SNTG1: variants seen among roughly 807,000 people sequenced by gnomAD.
SNTG1 encodes the protein gamma-1-syntrophin.
Under a neutral mutation model 74.7 loss-of-function variants are expected in SNTG1, and 39 were observed. The observed-to-expected ratio is 0.52, with a 90% CI of 0.40 to 0.68. The LOEUF (loss-of-function observed/expected upper bound fraction) is 0.68, where lower values mean the gene tolerates loss of function less well. Ranked by LOEUF, SNTG1 falls within the 30% of genes least tolerant of loss-of-function variation. SNTG1 has a pLI of 0.00. For synonymous variants in SNTG1, 254 were observed against 217.1 expected (o/e 1.17, Z -1.49); for missense variants, 685 against 609.5 (o/e 1.12, Z -1.30).
chr8:50,653,269 C>T (rs1242202981), intron 13 of SNTG1, among the ~76,000 whole-genome samples: 2 of 151,962 alleles, frequency 1.3e-5, no homozygotes, highest in East Asian at 1.9e-4. Flanking sequence ...CATAGCAAAA[C>T]TCCGTCTCTA....
At chr8:50,211,562 A>G (rs2084522906) in intron 2 of SNTG1, among the ~76,000 whole-genome samples, 1 of 152,112 alleles carries the variant, frequency 6.6e-6, no homozygotes, top group African/African-American at 2.4e-5. Context: ...GGATCAGTAT[A>G]AGAATTCTAA....
chr8:50,197,672 T>C (rs116927675), intron 2 of SNTG1, among the ~76,000 whole-genome samples: 1 of 152,278 alleles, frequency 6.6e-6, no homozygotes, highest in Non-Finnish European at 1.5e-5. Context: ...GCAAGCTACA[T>C]ATCACTAAAA....
intron 4 of SNTG1, among the ~76,000 whole-genome samples, chr8:50,426,921 T>C (rs2093170822): frequency 6.6e-6 from 1 of 152,164 alleles, no homozygotes; most frequent in South Asian, 2.1e-4. Flanking sequence ...TAATAACTAT[T>C]TATATAGAAC....
chr8:50,764,580 C>G (rs1259673937), intron 18 of SNTG1, among the ~76,000 whole-genome samples: 3 of 151,844 alleles, frequency 2.0e-5, no homozygotes. Context: ...AATGGGCTAT[C>G]ACCTCATATC....
intron 17 of SNTG1, among the ~76,000 whole-genome samples, chr8:50,710,469 C>A (rs1228356750): frequency 6.6e-6 from 1 of 151,956 alleles, no homozygotes; most frequent in South Asian, 2.1e-4. Context: ...AAACAAATTT[C>A]ACTAACTAGA....
At chr8:50,543,146 T>C (rs977774030) in intron 11 of SNTG1, among the ~76,000 whole-genome samples, 1 of 152,238 alleles carries the variant, frequency 6.6e-6, no homozygotes, top group African/African-American at 2.4e-5. Context: ...AGAAAACATC[T>C]TAGCCCAGAC....
chr8:50,453,658 G>T (rs990772086), intron 8 of SNTG1, among the ~76,000 whole-genome samples: 1 of 152,216 alleles, frequency 6.6e-6, no homozygotes, highest in Non-Finnish European at 1.5e-5. Context: ...ATGAATGAGA[G>T]TACCATATGT....
intron 16 of SNTG1, 133 bp downstream of exon 16, chr8:50,704,885 T>G (rs1227420342): frequency 8.6e-6 from 9 of 1,046,254 alleles, no homozygotes; most frequent in Admixed American, 2.8e-5. Flanking sequence ...ATTCTATAAT[T>G]AGCCATTTTT....
chr8:50,409,805 T>C (rs1284219799), intron 4 of SNTG1, among the ~76,000 whole-genome samples: 1 of 152,190 alleles, frequency 6.6e-6, no homozygotes, highest in Non-Finnish European at 1.5e-5. Flanking sequence ...GTAAAATCAA[T>C]ACAAGATGGC....
At chr8:50,616,682 T>G (rs1353118261) in intron 13 of SNTG1, among the ~76,000 whole-genome samples, 1 of 152,202 alleles carries the variant, frequency 6.6e-6, no homozygotes, top group Non-Finnish European at 1.5e-5. Flanking sequence ...ATCAACAAGA[T>G]GTCACCAGTG....
intron 1 of SNTG1, among the ~76,000 whole-genome samples, chr8:50,017,106 T>C (rs573672655): frequency 1.3e-5 from 2 of 152,228 alleles, no homozygotes; most frequent in East Asian, 3.9e-4. Context: ...GCAAGGACAG[T>C]ATATGGTTTC....
At chr8:50,557,640 A>G (rs1282956155) in intron 12 of SNTG1, among the ~76,000 whole-genome samples, 1 of 152,184 alleles carries the variant, frequency 6.6e-6, no homozygotes, top group Non-Finnish European at 1.5e-5. Flanking sequence ...ACTTATCAGA[A>G]CACTTGTCAT....
At chr8:50,156,452 T>A (rs774844924) in intron 1 of SNTG1, among the ~76,000 whole-genome samples, 1 of 152,080 alleles carries the variant, frequency 6.6e-6, no homozygotes. Flanking sequence ...ATAGATTTAG[T>A]CTAGAAATCT....
intron 2 of SNTG1, among the ~76,000 whole-genome samples, chr8:50,221,649 G>T (rs1183978888): frequency 6.6e-6 from 1 of 151,992 alleles, no homozygotes; most frequent in Non-Finnish European, 1.5e-5. Context: ...CGTGTATGCT[G>T]TATGTGTGAC....
chr8:50,049,341 C>T (rs1031813897), intron 1 of SNTG1, among the ~76,000 whole-genome samples: 4 of 151,990 alleles, frequency 2.6e-5, no homozygotes, highest in African/African-American at 9.7e-5. Flanking sequence ...CATGTTAACA[C>T]TAACCAAAAG....
At chr8:50,409,518 T>G (rs1465638619) in intron 4 of SNTG1, among the ~76,000 whole-genome samples, 1 of 152,186 alleles carries the variant, frequency 6.6e-6, no homozygotes. Flanking sequence ...GATAGTAAAG[T>G]GACTGTTGAT....
chr8:50,709,215 A>T, intron 17 of SNTG1: 1 of 511,698 alleles, frequency 2.0e-6, no homozygotes, highest in Non-Finnish European at 3.5e-6. Flanking sequence ...TTATAAGTCT[A>T]TCTATGTATG....
At chr8:50,423,010 G>A (rs963758013) in intron 4 of SNTG1, among the ~76,000 whole-genome samples, 1 of 152,080 alleles carries the variant, frequency 6.6e-6, no homozygotes. Flanking sequence ...GGGTTTGGGG[G>A]GGTTAGCTCA....
intron 1 of SNTG1, among the ~76,000 whole-genome samples, chr8:50,090,430 T>A (rs1397474580): frequency 6.6e-6 from 1 of 152,152 alleles, no homozygotes. Flanking sequence ...TTTCCCTTCA[T>A]GGTGGTAAGA....
Sources: allele counts gnomAD v4.1 joint callset (sites outside exome capture counted in the v4.1 genomes callset), GRCh38; gene constraint gnomAD v4.1.1; transcripts MANE v1.5; gene names NCBI Gene and HGNC (gene_info 2026-07-23, HGNC 2026-07-21).